The following CASP10 variants were observed in gnomAD, a reference collection of about 807,000 sequenced individuals.
CASP10 encodes caspase-10.
Under a neutral mutation model 48.5 loss-of-function variants are expected in CASP10, and 41 were observed. That is an observed-to-expected ratio of 0.85 (90% CI 0.66 to 1.10). The LOEUF (loss-of-function observed/expected upper bound fraction) is 1.10. CASP10 is among the 50% of genes least tolerant of loss of function. The pLI, the probability that CASP10 is intolerant of heterozygous loss-of-function variation, is 0.00. For synonymous variants in CASP10, 232 were observed against 238.4 expected, an observed-to-expected ratio of 0.97 and a Z score of 0.25; for missense variants, 614 against 614.5, an observed-to-expected ratio of 1.00 and a Z score of 0.01.
intron 4 of CASP10, among the ~76,000 whole-genome samples, chr2:201,194,277 C>T (rs1292247505): frequency 6.6e-6 from 1 of 152,102 alleles, no homozygotes; most frequent in African/African-American, 2.4e-5. Flanking sequence ...AAGCGCTATA[C>T]ATAAAAACTC....
rs918526263 is a variant in CASP10, at chr2:201,219,931, C to T, written c.*2190C>T. On this transcript the variant is annotated 3_prime_UTR_variant, in exon 10 of 10. Transcript: ENST00000286186. ...CCAGGTGAACTGGAATGCCTTGGGG[C>T]GTGGAAGGGCATTAGGAGTGTTTCA... is the stretch of plus-strand genomic sequence containing the variant. 8 of 984,956 alleles carry T rather than the reference C, an allele frequency of 8.1e-6. No individual in the cohort carries two copies. Among genetic ancestry groups the T allele is most frequent in the Non-Finnish European group, 8.4e-6 (7 of 829,880 alleles). The allele number at this position is 984,956 out of a possible 1,614,324, so 61.0% of individuals were successfully genotyped here.
chr2:201,185,655 T>C (rs1944388437), intron 1 of CASP10, 116 bp from the exon 2 acceptor site: 4 of 756,122 alleles, frequency 5.3e-6, no homozygotes, highest in Non-Finnish European at 9.5e-6. Flanking sequence ...TCAGCACTTC[T>C]AGGAAAGTCT....
At chr2:201,199,403 C>A (rs942252410) in intron 5 of CASP10, among the ~76,000 whole-genome samples, 25 of 152,066 alleles carry the variant, frequency 1.6e-4, no homozygotes, top group Admixed American at 3.9e-4. Context: ...GTAATCCCAG[C>A]ACTTTGGGAG....
At chr2:201,205,228 C>CT (rs35121141) in intron 6 of CASP10, among the ~76,000 whole-genome samples, 16,281 of 138,798 alleles carry the variant, frequency 0.12, 1,192 homozygotes, top group Non-Finnish European at 0.16. Context: ...CTTTTCTTTT[C>CT]TTTTTTTTTT....
chr2:201,208,028 G>A lies in CASP10; in HGVS notation c.814-47G>A, dbSNP rs201083784. 402 of 1,341,748 alleles carry A rather than the reference G, an allele frequency of 3.0e-4. 4 individuals are homozygous for A. In the East Asian group the frequency reaches 8.9e-3, roughly 30 times the overall value. 83.1% of individuals were successfully genotyped at this position (1,341,748 alleles called of 1,614,324 possible). Reference sequence around the variant, plus strand: ...GAGTGGTTGGTTAGAAACATTTAAGGCCCTAAGATAAGGATTCCTACTAAG... The same window carrying A: ...GAGTGGTTGGTTAGAAACATTTAAGACCCTAAGATAAGGATTCCTACTAAG... On this transcript the variant is annotated intron_variant, in intron 7 of 9. Transcript: ENST00000286186.
chr2:201,215,752 C>T (rs1237894878), intron 9 of CASP10, among the ~76,000 whole-genome samples: 1 of 152,044 alleles, frequency 6.6e-6, no homozygotes, highest in East Asian at 1.9e-4. Flanking sequence ...TTTGTGGTTC[C>T]ATATACATTT....
At chr2:201,207,182 T>TA (rs975983309) in intron 7 of CASP10, among the ~76,000 whole-genome samples, 104 of 152,202 alleles carry the variant, frequency 6.8e-4, no homozygotes, top group African/African-American at 2.4e-3. Flanking sequence ...CTCTAGGACT[T>TA]AAAAAAGAAT....
rs1462421234 is a variant in CASP10 at position 201,187,808 on chromosome 2, G to A, written c.441+9G>A. ...TTCCCAAAACTGAAATGGTGAGTGG[G>A]TCATACAGAATGGGTCTGTGTGAGC... On this transcript the variant is annotated intron_variant, in intron 3 of 9. Coordinates refer to ENST00000286186, the MANE Select transcript of CASP10 (RefSeq NM_032977.4). 2.5e-6 allele frequency: 4 copies of A among 1,599,390 alleles called. No individual in the cohort carries two copies. In the South Asian group the frequency reaches 3.3e-5, roughly 13 times the overall value.
intron 5 of CASP10, chr2:201,200,355 A>T: frequency 8.1e-7 from 1 of 1,238,840 alleles, no homozygotes; most frequent in Non-Finnish European, 1.2e-6. Flanking sequence ...GTTGTAAAAC[A>T]ATGCTTTTCT....
intron 6 of CASP10, among the ~76,000 whole-genome samples, chr2:201,205,468 C>T (rs546763224): frequency 3.3e-5 from 5 of 151,934 alleles, no homozygotes; most frequent in African/African-American, 1.2e-4. Flanking sequence ...TGGGCTCAAG[C>T]GATCAGCCCG....
rs1945614508 is a variant in CASP10, at chr2:201,217,644, T to C, written c.1472T>C (p.Val491Ala). 1.9e-6 allele frequency: 3 copies of C among 1,614,014 alleles called. No homozygotes were observed. The highest frequency in any genetic ancestry group is 2.5e-6 in the Non-Finnish European group (3 of 1,179,972). ...GTCAACGATGATGTGAGTCGAAGAG[T>C]GGACAAACAGGGAACAAAGAAACAG... ...TAVNDDVSRRVDKQGTKKQMP... is the reference protein window; with the variant it reads ...TAVNDDVSRRADKQGTKKQMP... Residue 491 changes from valine (V) to alanine (A), a missense_variant, in exon 10 of 10, where the codon GTG becomes GCG. Coordinates refer to ENST00000286186, the MANE Select transcript of CASP10 (RefSeq NM_032977.4).
At position 201,192,337 on chromosome 2, in the gene CASP10, G is replaced by T. The variant is rs375897674; in HGVS notation, c.442-647G>T. ...TGAATGGAGGTGGAGGTTGCTTTGA[G>T]CTGAGATTGCACTACTGCACTCTAG... On this transcript the variant is annotated intron_variant, in intron 3 of 9. Transcript: ENST00000286186. Among the ~76,000 whole-genome samples the T allele has an allele frequency of 8.4e-4, 128 of 152,166 alleles. 1 individual carries two copies. Among genetic ancestry groups the T allele is most frequent in the African/African-American group, 2.9e-3 (122 of 41,522 alleles).
rs755555484 is a variant in CASP10 at position 201,192,970 on chromosome 2, T to G, written c.442-14T>G. 2.0e-5 allele frequency: 32 copies of G among 1,612,460 alleles called. No individual in the cohort carries two copies. The highest frequency in any genetic ancestry group is 2.7e-5 in the Non-Finnish European group (32 of 1,178,860). ...AATAGGCAAGTAAATGTAACTCTATTGATTCTCTTGTAGACCTCCCTAAGT... is the reference window on the plus strand; with the variant it reads ...AATAGGCAAGTAAATGTAACTCTATGGATTCTCTTGTAGACCTCCCTAAGT... On this transcript the variant is annotated splice_polypyrimidine_tract_variant and intron_variant, in intron 3 of 9. Transcript: ENST00000286186.
exon 10 of CASP10, chr2:201,229,060 C>T (rs770218906): frequency 1.9e-6 from 3 of 1,614,204 alleles, no homozygotes; most frequent in East Asian, 2.2e-5. Context: ...ACCCCCCATG[C>T]GCAGGTGGAG....
chr2:201,198,111 C>T (rs374518914), intron 5 of CASP10, among the ~76,000 whole-genome samples: 5 of 152,176 alleles, frequency 3.3e-5, no homozygotes, highest in East Asian at 1.9e-4. Flanking sequence ...CTAGGGCTGT[C>T]GAGCATCTTC....
At chr2:201,200,406 C>T in intron 5 of CASP10, 1 of 1,583,236 alleles carries the variant, frequency 6.3e-7, no homozygotes, top group Non-Finnish European at 8.6e-7. Context: ...TGGCTCTCAG[C>T]ATTCTACTGT....
chr2:201,217,897 T>C lies in CASP10; in HGVS notation c.*156T>C. Reference sequence around the variant, plus strand: ...AGTCAATTCTGATTTTCTTTTTCTTTTGCAAGTCTAAATGTTAGAAAACTT... The same window carrying C: ...AGTCAATTCTGATTTTCTTTTTCTTCTGCAAGTCTAAATGTTAGAAAACTT... On this transcript the variant is annotated 3_prime_UTR_variant, in exon 10 of 10. Transcript: ENST00000286186. 1 of 1,552,934 alleles carries C rather than the reference T, an allele frequency of 6.4e-7. No homozygotes were observed. The highest frequency in any genetic ancestry group is 8.7e-7 in the Non-Finnish European group (1 of 1,153,874).
chr2:201,209,274 A>G lies in CASP10; in HGVS notation c.1127A>G (p.Glu376Gly). 6.2e-7 allele frequency: 1 copy of G among 1,614,088 alleles called. No individual in the cohort carries two copies. Among genetic ancestry groups the G allele is most frequent in the Non-Finnish European group, 8.5e-7 (1 of 1,180,032 alleles). ...GATGAGGCCCTCATTCCCATTCGGG[A>G]GATCATGTCTCACTTCACAGCCCTG... is the stretch of plus-strand genomic sequence containing the variant. ...SSDEALIPIR[E>G]IMSHFTALQC... Residue 376 changes from glutamate (E) to glycine (G), a missense_variant, in exon 9 of 10, where the codon GAG (glutamate) becomes GGG (glycine). By Grantham distance (98) the Glu-to-Gly change is moderately conservative. Transcript: ENST00000286186.
rs1945627677 is a variant in CASP10, at chr2:201,217,987, C to T, written c.*246C>T. 1 of 1,082,256 alleles carries T rather than the reference C, an allele frequency of 9.2e-7. No homozygotes were observed. The highest frequency in any genetic ancestry group is 3.3e-5 in the Admixed American group (1 of 30,438). 67.0% of individuals were successfully genotyped at this position (1,082,256 alleles called of 1,614,324 possible). A position where few individuals can be genotyped will look rare whatever the true frequency, so the allele number is the denominator to read the frequency against. On this transcript the variant is annotated 3_prime_UTR_variant, in exon 10 of 10. Coordinates refer to ENST00000286186, the MANE Select transcript of CASP10 (RefSeq NM_032977.4). ...GGAGTGCAGGGGGGCAATCACGGCT[C>T]ACTGTAGTCTCGACCTCCCAGGCTC...
Sources: allele counts gnomAD v4.1 joint callset (sites outside exome capture counted in the v4.1 genomes callset), GRCh38; gene constraint gnomAD v4.1.1; transcripts MANE v1.5; gene names NCBI Gene and HGNC (gene_info 2026-07-23, HGNC 2026-07-21).